The following PLCZ1 variants were observed in gnomAD, a reference collection of about 807,000 sequenced individuals.
The protein encoded by PLCZ1 is 1-phosphatidylinositol 4,5-bisphosphate phosphodiesterase zeta-1.
PLCZ1 carries 64 observed loss-of-function variants against 76.8 expected under a neutral mutation model. That is an observed-to-expected ratio of 0.83 (90% CI 0.68 to 1.03). The LOEUF (loss-of-function observed/expected upper bound fraction) is 1.03. Ranked by LOEUF, PLCZ1 falls within the 50% of genes least tolerant of loss-of-function variation. The pLI, the probability that PLCZ1 is intolerant of heterozygous loss-of-function variation, is 0.00. For missense variants in PLCZ1, 751 were observed against 713.7 expected (o/e 1.05, Z -0.60); for synonymous variants, 248 against 230.8 (o/e 1.07, Z -0.68).
the PLCZ1 span, among the ~76,000 whole-genome samples, chr12:18,661,246 C>G: frequency 6.6e-6 from 1 of 152,008 alleles, no homozygotes; most frequent in Admixed American, 6.6e-5. Flanking sequence ...AGAAATAGTA[C>G]CCCAAATATT....
intron 4 of PLCZ1, among the ~76,000 whole-genome samples, chr12:18,720,039 T>G (rs1490647033): frequency 6.6e-6 from 1 of 152,118 alleles, no homozygotes; most frequent in African/African-American, 2.4e-5. Flanking sequence ...GTATATCAAC[T>G]GATCTGACTT....
At chr12:18,713,342 C>T (rs527285383) in intron 5 of PLCZ1, among the ~76,000 whole-genome samples, 1 of 152,262 alleles carries the variant, frequency 6.6e-6, no homozygotes, top group South Asian at 2.1e-4. Context: ...CTTATGGTGG[C>T]ATTTACTGTT....
the PLCZ1 span, among the ~76,000 whole-genome samples, chr12:18,662,136 T>C: frequency 6.6e-6 from 1 of 151,960 alleles, no homozygotes; most frequent in East Asian, 1.9e-4. Flanking sequence ...AGATGGAAAG[T>C]GCAAGGAGGG....
At chr12:18,720,070 T>C (rs1159293741) in intron 4 of PLCZ1, among the ~76,000 whole-genome samples, 1 of 152,148 alleles carries the variant, frequency 6.6e-6, no homozygotes, top group African/African-American at 2.4e-5. Flanking sequence ...AGATTAGTTT[T>C]CTTTGGTTGT....
At chr12:18,656,266 C>CA in the PLCZ1 span, among the ~76,000 whole-genome samples, 5 of 152,026 alleles carry the variant, frequency 3.3e-5, no homozygotes, top group Non-Finnish European at 7.4e-5. Context: ...CTGTCTATAC[C>CA]AAAAAAGCAT....
At position 18,683,362 on chromosome 12, in the gene PLCZ1, A is replaced by G. The variant is rs756151368; in HGVS notation, c.1742-38T>C. ...TTATATCTAATTAGACCAATAACCA[A>G]TTAATCAGTGGTGTCTCCAATAGCC... On this transcript the variant is annotated intron_variant, in intron 14 of 14. Coordinates refer to ENST00000266505, the MANE Select transcript of PLCZ1 (RefSeq NM_033123.4). 59 of 1,589,488 alleles carry G rather than the reference A, an allele frequency of 3.7e-5. No individual in the cohort carries two copies. In the African/African-American group the frequency reaches 6.9e-4, roughly 18 times the overall value.
At chr12:18,650,982 T>G in the PLCZ1 span, among the ~76,000 whole-genome samples, 131,993 of 151,396 alleles carry the variant, frequency 0.87, 57,637 homozygotes, top group East Asian at 0.95. Context: ...GGAATGGTTA[T>G]ATCATTCTTC....
chr12:18,677,173 C>A, the PLCZ1 span, among the ~76,000 whole-genome samples: 3 of 152,070 alleles, frequency 2.0e-5, no homozygotes, highest in African/African-American at 7.2e-5. Context: ...CATATTCCAA[C>A]AGCAGATCCT....
downstream of PLCZ1, among the ~76,000 whole-genome samples, chr12:18,681,611 A>C (rs1262144227): frequency 6.6e-6 from 1 of 152,046 alleles, no homozygotes; most frequent in Non-Finnish European, 1.5e-5. Flanking sequence ...GCAAATTTTA[A>C]AATGGAACCA....
At chr12:18,698,049 C>T (rs1955333920) in intron 10 of PLCZ1, among the ~76,000 whole-genome samples, 3 of 151,590 alleles carry the variant, frequency 2.0e-5, no homozygotes, top group South Asian at 4.2e-4. Flanking sequence ...GCCTACAGGT[C>T]CTGTCCTCAT....
At chr12:18,673,155 A>G in the PLCZ1 span, among the ~76,000 whole-genome samples, 4 of 152,310 alleles carry the variant, frequency 2.6e-5, no homozygotes, top group African/African-American at 9.6e-5. Context: ...AGGGGAATTT[A>G]TTCATGTTTT....
intron 6 of PLCZ1, among the ~76,000 whole-genome samples, chr12:18,706,605 A>C (rs12823264): frequency 0.036 from 5,475 of 152,246 alleles, 133 homozygotes; most frequent in East Asian, 0.084. Flanking sequence ...CTTGCCATTA[A>C]ATAGGGAACA....
chr12:18,690,193 A>G (rs569324006), intron 12 of PLCZ1, among the ~76,000 whole-genome samples: 24 of 152,162 alleles, frequency 1.6e-4, no homozygotes, highest in Middle Eastern at 6.8e-3. Flanking sequence ...ATAAGGTGGA[A>G]CAAAACACAT....
chr12:18,724,876 T>A (rs1958665333), intron 3 of PLCZ1, among the ~76,000 whole-genome samples: 1 of 152,130 alleles, frequency 6.6e-6, no homozygotes, highest in African/African-American at 2.4e-5. Context: ...TTCTACTGAA[T>A]AGCAGCATAA....
chr12:18,694,456 T>C (rs969939112), intron 12 of PLCZ1, among the ~76,000 whole-genome samples: 5 of 152,150 alleles, frequency 3.3e-5, no homozygotes, highest in Non-Finnish European at 7.4e-5. Flanking sequence ...TCAAATGATA[T>C]TCACAGACAT....
At chr12:18,671,657 A>T in the PLCZ1 span, among the ~76,000 whole-genome samples, 4 of 152,160 alleles carry the variant, frequency 2.6e-5, no homozygotes, top group East Asian at 1.9e-4. Flanking sequence ...ATAAAAAAAA[A>T]TTTCATTATT....
Position 18,692,826 on chromosome 12 carries a change from C to T in PLCZ1, c.1461+2084G>A. ...TGGCAAGAAGGATGACAAGCTCTAA[C>T]AACTCAAGGACAAGAAAAAGAAATA... On this transcript the variant is annotated intron_variant, in intron 12 of 14. Transcript: ENST00000266505. 1.9e-6 allele frequency: 3 copies of T among 1,568,544 alleles called. No individual in the cohort carries two copies. The East Asian group carries it at 6.7e-5, about 35-fold the overall frequency.
At chr12:18,687,947 A>G in intron 13 of PLCZ1, 142 bp downstream of exon 13, 1 of 1,065,848 alleles carries the variant, frequency 9.4e-7, no homozygotes, top group Non-Finnish European at 1.3e-6. Context: ...TGTTGCATAT[A>G]ACATTTTGCT....
intron 12 of PLCZ1, among the ~76,000 whole-genome samples, chr12:18,692,170 T>C (rs999376666): frequency 8.5e-5 from 13 of 152,088 alleles, no homozygotes; most frequent in Admixed American, 7.9e-4. Flanking sequence ...CACTAAGTAA[T>C]GACATTGCTG....
Sources: allele counts gnomAD v4.1 joint callset (sites outside exome capture counted in the v4.1 genomes callset), GRCh38; gene constraint gnomAD v4.1.1; transcripts MANE v1.5; gene names NCBI Gene and HGNC (gene_info 2026-07-23, HGNC 2026-07-21).